ZCWPW2: variants seen among roughly 807,000 people sequenced by gnomAD.
The protein encoded by ZCWPW2 is zinc finger CW-type and PWWP domain containing 2.
A neutral mutation model predicts 46.6 loss-of-function variants in ZCWPW2; 45 were observed. That is an observed-to-expected ratio of 0.96 (90% CI 0.76 to 1.24). ZCWPW2 has a LOEUF of 1.24. Ranked by LOEUF, ZCWPW2 falls within the 50% of genes most tolerant of loss-of-function variation. The probability of loss-of-function intolerance (pLI) is 0.00; values close to 1 mark genes in which losing one functional copy is unlikely to be tolerated. For synonymous variants in ZCWPW2, 152 were observed against 137.1 expected, an observed-to-expected ratio of 1.11 and a Z score of -0.76; for missense variants, 429 against 403.9, an observed-to-expected ratio of 1.06 and a Z score of -0.53.
chr3:28,455,633 C>T (rs1698393549), intron 4 of ZCWPW2, among the ~76,000 whole-genome samples: 1 of 151,456 alleles, frequency 6.6e-6, no homozygotes, highest in Non-Finnish European at 1.5e-5. Flanking sequence ...ACATTTAAGT[C>T]TTTATTTCAT....
chr3:28,453,782 A>T (rs1470912582), intron 4 of ZCWPW2, among the ~76,000 whole-genome samples: 1 of 150,356 alleles, frequency 6.7e-6, no homozygotes, highest in East Asian at 1.9e-4. Context: ...TAATTGTGAA[A>T]GTTTATAATT....
At chr3:28,366,823 C>A (rs1705135385) in intron 1 of ZCWPW2, among the ~76,000 whole-genome samples, 1 of 152,118 alleles carries the variant, frequency 6.6e-6, no homozygotes, top group African/African-American at 2.4e-5. Context: ...ATTTCAGAGC[C>A]TGTTATTGGT....
intron 1 of ZCWPW2, among the ~76,000 whole-genome samples, chr3:28,372,024 CCCT>C (rs1050470419): frequency 1.8e-4 from 27 of 150,590 alleles, no homozygotes; most frequent in African/African-American, 6.1e-4. Context: ...CTCCTCCTGC[CCCT>C]CCTCCTCCTT....
At chr3:28,474,221 G>C (rs189287723) in intron 4 of ZCWPW2, among the ~76,000 whole-genome samples, 12 of 152,152 alleles carry the variant, frequency 7.9e-5, no homozygotes, top group African/African-American at 2.7e-4. Context: ...CGGAACAGAA[G>C]TGTTCTGCAA....
intron 1 of ZCWPW2, among the ~76,000 whole-genome samples, chr3:28,388,266 A>C (rs1485780170): frequency 6.6e-6 from 1 of 152,166 alleles, no homozygotes; most frequent in Non-Finnish European, 1.5e-5. Flanking sequence ...ATAACATTTG[A>C]CCAAATATCT....
chr3:28,463,041 C>A (rs1312143828), intron 4 of ZCWPW2, among the ~76,000 whole-genome samples: 1 of 152,186 alleles, frequency 6.6e-6, no homozygotes, highest in Non-Finnish European at 1.5e-5. Context: ...AGAGCATTAT[C>A]TTCTCTGTCT....
chr3:28,379,411 A>G (rs924820656), intron 1 of ZCWPW2, among the ~76,000 whole-genome samples: 4 of 152,188 alleles, frequency 2.6e-5, no homozygotes, highest in Non-Finnish European at 5.9e-5. Flanking sequence ...ATGAGGGTAA[A>G]ATTGCTGAGG....
chr3:28,510,928 C>T (rs1190128030), intron 6 of ZCWPW2: 3 of 373,870 alleles, frequency 8.0e-6, no homozygotes, highest in South Asian at 6.1e-5. Context: ...ACAATTAGAA[C>T]AGAATCTCTA....
chr3:28,487,873 G>A, intron 5 of ZCWPW2, among the ~76,000 whole-genome samples: 1 of 152,062 alleles, frequency 6.6e-6, no homozygotes, highest in Admixed American at 6.6e-5. Flanking sequence ...AGGATGGCTA[G>A]ACGGGGCTGG....
intron 4 of ZCWPW2, among the ~76,000 whole-genome samples, chr3:28,442,677 T>A (rs1293445377): frequency 1.3e-5 from 2 of 152,224 alleles, no homozygotes; most frequent in Non-Finnish European, 2.9e-5. Context: ...TCAGGAGATG[T>A]GTTAATTTGC....
At chr3:28,474,070 A>T (rs958428219) in intron 4 of ZCWPW2, among the ~76,000 whole-genome samples, 2 of 152,176 alleles carry the variant, frequency 1.3e-5, no homozygotes, top group Admixed American at 1.3e-4. Context: ...GGCGTTAGCT[A>T]CCCCATTTAC....
At chr3:28,466,289 C>G (rs1416046132) in intron 4 of ZCWPW2, among the ~76,000 whole-genome samples, 1 of 152,138 alleles carries the variant, frequency 6.6e-6, no homozygotes, top group African/African-American at 2.4e-5. Flanking sequence ...ACATAACACA[C>G]AATTTACCCA....
intron 5 of ZCWPW2, among the ~76,000 whole-genome samples, chr3:28,481,172 G>C (rs1699414672): frequency 6.6e-6 from 1 of 152,084 alleles, no homozygotes; most frequent in Admixed American, 6.6e-5. Context: ...TCTTTATTCT[G>C]TTCCATTGAT....
chr3:28,351,878 G>A (rs1704566221), intron 1 of ZCWPW2, among the ~76,000 whole-genome samples: 1 of 152,068 alleles, frequency 6.6e-6, no homozygotes, highest in African/African-American at 2.4e-5. Context: ...CAGCTTCAGT[G>A]TCATTCCATC....
chr3:28,410,280 T>A (rs1696349214), intron 2 of ZCWPW2, among the ~76,000 whole-genome samples: 1 of 152,090 alleles, frequency 6.6e-6, no homozygotes, highest in Non-Finnish European at 1.5e-5. Flanking sequence ...CATAGCCCTT[T>A]AAGTAATTAA....
intron 5 of ZCWPW2, among the ~76,000 whole-genome samples, chr3:28,488,765 TCTACATTTCCTGTTAA>T (rs1415505428): frequency 6.6e-6 from 1 of 152,152 alleles, no homozygotes; most frequent in Non-Finnish European, 1.5e-5. Flanking sequence ...ATTATCCACA[TCTACATTTCCTGTTAA>T]CTGCTTTTCA....
intron 5 of ZCWPW2, among the ~76,000 whole-genome samples, chr3:28,481,427 G>C (rs1699426041): frequency 6.6e-6 from 1 of 152,086 alleles, no homozygotes; most frequent in African/African-American, 2.4e-5. Flanking sequence ...TATTTTAGTA[G>C]AGACGAGGTT....
At chr3:28,510,465 C>A (rs965039612) in intron 6 of ZCWPW2, among the ~76,000 whole-genome samples, 3 of 152,062 alleles carry the variant, frequency 2.0e-5, no homozygotes, top group Non-Finnish European at 4.4e-5. Flanking sequence ...ACCAATTTGT[C>A]TTTTTTTAGG....
chr3:28,369,627 C>G (rs1312229890), intron 1 of ZCWPW2, among the ~76,000 whole-genome samples: 1 of 152,214 alleles, frequency 6.6e-6, no homozygotes, highest in Non-Finnish European at 1.5e-5. Flanking sequence ...AGGAGGCAGT[C>G]TGTCCGTTCT....
Sources: allele counts gnomAD v4.1 joint callset (sites outside exome capture counted in the v4.1 genomes callset), GRCh38; gene constraint gnomAD v4.1.1; transcripts MANE v1.5; gene names NCBI Gene and HGNC (gene_info 2026-07-23, HGNC 2026-07-21).